RNF14: variants seen among roughly 807,000 people sequenced by gnomAD.
The protein encoded by RNF14 is E3 ubiquitin-protein ligase RNF14.
In RNF14, 26 loss-of-function variants were observed where a neutral mutation model predicts 52.6. The observed-to-expected ratio is 0.49, with a 90% confidence interval of 0.36 to 0.69. The LOEUF is 0.69. Ranked by LOEUF, RNF14 falls within the 30% of genes least tolerant of loss-of-function variation. The pLI is 0.00. For missense variants in RNF14, 404 were observed against 560.4 expected, an observed-to-expected ratio of 0.72 and a Z score of 2.82; for synonymous variants, 194 against 202.0, an observed-to-expected ratio of 0.96 and a Z score of 0.34.
At chr5:141,958,047 C>T (rs1002433432), upstream of RNF14, 1 of 629,950 alleles carries the variant, frequency 1.6e-6, no homozygotes, top group African/African-American at 1.8e-5. Context: ...TGGAAGCGAT[C>T]TGAGATGTCC....
intron 5 of RNF14, 30 bp from the exon 6 acceptor site, chr5:141,980,092 CA>C: frequency 6.3e-7 from 1 of 1,580,836 alleles, no homozygotes; most frequent in South Asian, 1.1e-5. Context: ...GTGGAATCAT[CA>C]AACCTATGGT....
intron 7 of RNF14, 143 bp downstream of exon 7, chr5:141,983,695 C>A: frequency 1.4e-6 from 1 of 691,020 alleles, no homozygotes; most frequent in Non-Finnish European, 2.4e-6. Context: ...GTGGAAATTT[C>A]ACTATTAGAT....
the RNF14 span, chr5:141,951,423 C>G: frequency 2.6e-6 from 3 of 1,154,418 alleles, no homozygotes; most frequent in Non-Finnish European, 3.9e-6. Context: ...TCCTCACTCA[C>G]AGAGGCTGCA....
intron 5 of RNF14, among the ~76,000 whole-genome samples, chr5:141,979,300 A>C (rs1039058618): frequency 6.6e-6 from 1 of 152,080 alleles, no homozygotes; most frequent in Non-Finnish European, 1.5e-5. Flanking sequence ...CCCAGGATGG[A>C]GTGCAGGGGC....
At position 141,990,010 on chromosome 5, in the gene RNF14, G is replaced by T. The variant is rs1596725059; in HGVS notation, c.*2220G>T. On this transcript the variant is annotated 3_prime_UTR_variant, in exon 9 of 9. Transcript: ENST00000394520. ...ATTTATGATATTAAAAACAACACAGGTATTTGGTGTTTAGTCTCAAAAATT... is the reference window on the plus strand; with the variant it reads ...ATTTATGATATTAAAAACAACACAGTTATTTGGTGTTTAGTCTCAAAAATT... 1 of 152,108 alleles carries T rather than the reference G, an allele frequency of 6.6e-6. No homozygotes were observed. The highest frequency in any genetic ancestry group is 2.1e-4 in the South Asian group (1 of 4,826). The allele number at this position is 152,108 out of a possible 1,614,324, so 9.4% of individuals were successfully genotyped here.
upstream of RNF14, chr5:141,956,895 C>A: frequency 6.2e-7 from 1 of 1,614,204 alleles, no homozygotes; most frequent in Non-Finnish European, 8.5e-7. Context: ...GAACATCCAC[C>A]TCGTAGGCAG....
intron 2 of RNF14, among the ~76,000 whole-genome samples, chr5:141,972,873 G>A (rs141423024): frequency 6.6e-6 from 1 of 152,126 alleles, no homozygotes; most frequent in African/African-American, 2.4e-5. Context: ...TTACAGGCAC[G>A]AGCCACCGCG....
chr5:141,956,299 G>A (rs370933421), upstream of RNF14: 93 of 1,614,122 alleles, frequency 5.8e-5, no homozygotes, highest in Admixed American at 1.2e-4. Context: ...CCTCTGAGCA[G>A]TGACCTCTCC....
chr5:141,955,699 G>T (rs147575499), upstream of RNF14: 6 of 1,614,144 alleles, frequency 3.7e-6, no homozygotes, highest in East Asian at 1.1e-4. The surrounding 1 kb of genome is among the most constrained non-coding windows in gnomAD (Gnocchi z 5.5). Context: ...GCAGATCACC[G>T]TCAGCATCGA....
At chr5:141,949,724 T>C in the RNF14 span, 3 of 876,844 alleles carry the variant, frequency 3.4e-6, no homozygotes, top group Admixed American at 9.1e-5. Context: ...CCAACCTGGA[T>C]CATGTGATTC....
chr5:141,987,590 C>T (rs1755351524), intron 8 of RNF14, 143 bp from the exon 9 acceptor site: 2 of 749,306 alleles, frequency 2.7e-6, no homozygotes, highest in African/African-American at 1.8e-5. Flanking sequence ...ACCCATATTT[C>T]AGCCCTCCTC....
At chr5:141,963,658 A>G (rs541396694), upstream of RNF14, among the ~76,000 whole-genome samples, 13 of 152,176 alleles carry the variant, frequency 8.5e-5, no homozygotes, top group Non-Finnish European at 1.3e-4. Context: ...GGAATTTAGC[A>G]TGTTCCTCTC....
upstream of RNF14, chr5:141,956,397 A>G: frequency 6.2e-7 from 1 of 1,614,250 alleles, no homozygotes; most frequent in Non-Finnish European, 8.5e-7. Context: ...AGTCTGCATC[A>G]TGAGCCTTGA....
In RNF14 at chr5:141,973,988, CAGT is replaced by C. The variant is rs369259715; in HGVS notation, c.154+247_154+249del. Among the ~76,000 whole-genome samples, 129 of 152,294 alleles carry C rather than the reference CAGT, an allele frequency of 8.5e-4. No individual in the cohort carries two copies. In the East Asian group the frequency reaches 0.021, roughly 25 times the overall value. ...TCATACATCCTGGTCTGCTAACTAGCAGTTTATCAGCCATGAGTCATTGGCTGT... is the reference window on the plus strand; with the variant it reads ...TCATACATCCTGGTCTGCTAACTAGCTTATCAGCCATGAGTCATTGGCTGT... On this transcript the variant is annotated intron_variant, in intron 3 of 8. Transcript: ENST00000394520.
Position 141,978,350 on chromosome 5 carries a change from T to C in RNF14, c.354T>C (p.Arg118=). The part of the protein sequence containing the change: ...KHLDNLWEEH[R]GSVVLFAWMQ... ...TAGACAACCTATGGGAAGAACACCG[T>C]GGCAGCGTGGTCCTGTTTGCCTGGA... The change falls in exon 5 of 9, where the codon CGT becomes CGC. Residue 118 remains arginine (R), a synonymous_variant. Coordinates refer to ENST00000394520, the MANE Select transcript of RNF14 (RefSeq NM_004290.5). The C allele has an allele frequency of 6.2e-7, 1 of 1,613,578 alleles. No individual in the cohort carries two copies. Among genetic ancestry groups the C allele is most frequent in the Non-Finnish European group, 8.5e-7 (1 of 1,179,642 alleles).
upstream of RNF14, among the ~76,000 whole-genome samples, chr5:141,967,604 T>G (rs1056744521): frequency 1.3e-5 from 2 of 152,216 alleles, no homozygotes; most frequent in African/African-American, 2.4e-5. Flanking sequence ...AATCTAATCC[T>G]GCCCGGGAGG....
At chr5:141,969,945 A>G (rs1424072169) in intron 1 of RNF14, among the ~76,000 whole-genome samples, 6 of 152,214 alleles carry the variant, frequency 3.9e-5, no homozygotes, top group Non-Finnish European at 8.8e-5. Flanking sequence ...AATTAGCACC[A>G]TATACTCCCA....
rs975028734 is a variant in RNF14, at chr5:141,983,914, G to A, written c.1236+362G>A. 2.0e-5 allele frequency among the ~76,000 whole-genome samples: 3 copies of A among 151,992 alleles called. No individual in the cohort carries two copies. In the South Asian group the frequency reaches 6.2e-4, roughly 31 times the overall value. On this transcript the variant is annotated intron_variant, in intron 7 of 8. Transcript: ENST00000394520. ...ATTTATCCTGGAATGCTGCACACCT[G>A]TTTAAGATACACTCAGGAATTAATT...
chr5:141,977,013 AC>A (rs1034336405), intron 4 of RNF14, among the ~76,000 whole-genome samples: 18 of 151,712 alleles, frequency 1.2e-4, no homozygotes, highest in East Asian at 5.8e-4. Flanking sequence ...CTGATCACCA[AC>A]CCCTGACCTC....
Sources: gnomAD v4.1 joint callset for allele counts (sites outside exome capture counted in the v4.1 genomes callset) on GRCh38, gnomAD v4.1.1 for gene constraint, Gnocchi (gnomAD v3.1) non-coding constraint, MANE v1.5 for transcripts, NCBI Gene and HGNC (gene_info 2026-07-23, HGNC 2026-07-21) for gene names.